SCP2: variants seen among roughly 807,000 people sequenced by gnomAD.
SCP2 encodes the protein SCP-2/3-oxoacyl-CoA thiolase.
A neutral mutation model predicts 71.4 loss-of-function variants in SCP2; 48 were observed. That is an observed-to-expected ratio of 0.67 (90% CI 0.53 to 0.86). The LOEUF (loss-of-function observed/expected upper bound fraction) is 0.86, where lower values mean the gene tolerates loss of function less well. Among genes scored for constraint, SCP2 ranks in the 40% least tolerant of loss-of-function variants. The pLI, the probability that SCP2 is intolerant of heterozygous loss-of-function variation, is 0.00. For synonymous variants in SCP2, 220 were observed against 218.1 expected, an observed-to-expected ratio of 1.01 and a Z score of -0.08; for missense variants, 560 against 655.6, an observed-to-expected ratio of 0.85 and a Z score of 1.59.
At chr1:52,970,593 G>A (rs1657379780) in intron 6 of SCP2, among the ~76,000 whole-genome samples, 1 of 150,850 alleles carries the variant, frequency 6.6e-6, no homozygotes, top group Non-Finnish European at 1.5e-5. Context: ...CAGATCTCCT[G>A]TGTTTTTCAG....
rs533584468 is a variant in SCP2, at chr1:52,966,347, A to G, written c.523+4718A>G. Among the ~76,000 whole-genome samples the G allele has an allele frequency of 8.6e-5, 13 of 151,826 alleles. No homozygotes were observed. In the South Asian group the frequency reaches 2.5e-3, roughly 29 times the overall value. On this transcript the variant is annotated intron_variant, in intron 6 of 15. Coordinates refer to ENST00000371514, the MANE Select transcript of SCP2 (RefSeq NM_002979.5). ...GAATTTTGTAGCTTTTCCAGTATCTATGGAGATAATTGCATTATGTTCCCC... is the reference window on the plus strand; with the variant it reads ...GAATTTTGTAGCTTTTCCAGTATCTGTGGAGATAATTGCATTATGTTCCCC...
In SCP2 at chr1:53,038,079, G is replaced by A. The variant is rs192508075; in HGVS notation, c.1339-838G>A. On this transcript the variant is annotated intron_variant, in intron 13 of 15. Coordinates refer to ENST00000371514, the MANE Select transcript of SCP2 (RefSeq NM_002979.5). ...AAGGATTGCTTGAGCACTGGAGATC[G>A]ACCCTGCAGTGAGCCCTGATTGTGC... Among the ~76,000 whole-genome samples the A allele has an allele frequency of 1.1e-3, 170 of 151,488 alleles. 1 individual carries two copies. Among genetic ancestry groups the A allele is most frequent in the African/African-American group, 3.7e-3 (153 of 41,228 alleles).
intron 12 of SCP2, among the ~76,000 whole-genome samples, chr1:53,019,963 T>C (rs1003255785): frequency 6.6e-6 from 1 of 152,190 alleles, no homozygotes; most frequent in African/African-American, 2.4e-5. Context: ...CTCAGCTCAC[T>C]GCAACTTCCA....
chr1:53,045,241 A>G (rs1663714060), intron 14 of SCP2, among the ~76,000 whole-genome samples: 1 of 152,222 alleles, frequency 6.6e-6, no homozygotes. Flanking sequence ...CCCAAAAGGA[A>G]CCATTATTTC....
chr1:53,036,222 A>T (rs1376726971), intron 13 of SCP2, among the ~76,000 whole-genome samples: 1 of 150,186 alleles, frequency 6.7e-6, no homozygotes, highest in Non-Finnish European at 1.5e-5. Flanking sequence ...AGTAGATTAT[A>T]AAACAATATG....
intron 10 of SCP2, among the ~76,000 whole-genome samples, chr1:52,982,377 T>C (rs1039271218): frequency 2.6e-5 from 4 of 152,180 alleles, no homozygotes; most frequent in Non-Finnish European, 5.9e-5. Flanking sequence ...GAGACCATCC[T>C]GGCTAACACG....
At chr1:52,980,016 C>T (rs1295336044) in intron 9 of SCP2, among the ~76,000 whole-genome samples, 1 of 151,368 alleles carries the variant, frequency 6.6e-6, no homozygotes, top group Non-Finnish European at 1.5e-5. Flanking sequence ...CTCTTTCATC[C>T]AGGCTGGAAT....
intron 12 of SCP2, among the ~76,000 whole-genome samples, chr1:53,015,954 CT>C (rs953128208): frequency 6.6e-5 from 10 of 152,148 alleles, no homozygotes; most frequent in African/African-American, 2.2e-4. Context: ...AATTGGCTCC[CT>C]TTTTTCTTTT....
At chr1:53,033,788 C>T (rs941658638) in intron 13 of SCP2, among the ~76,000 whole-genome samples, 15 of 152,052 alleles carry the variant, frequency 9.9e-5, no homozygotes, top group Admixed American at 2.6e-4. Flanking sequence ...TATGACCCAG[C>T]AATTACACTT....
chr1:52,953,743 C>T (rs1444760682), intron 4 of SCP2, among the ~76,000 whole-genome samples: 7 of 151,000 alleles, frequency 4.6e-5, no homozygotes, highest in Non-Finnish European at 8.8e-5. Flanking sequence ...AATCCCAGCA[C>T]TTTGGGAAGC....
chr1:52,934,580 C>T (rs1478859048), intron 1 of SCP2, among the ~76,000 whole-genome samples: 8 of 115,160 alleles, frequency 6.9e-5, no homozygotes, highest in African/African-American at 2.5e-4. Context: ...TCAAATTCTA[C>T]ATTCCAGCTA....
intron 11 of SCP2, among the ~76,000 whole-genome samples, chr1:53,002,476 A>G (rs983497598): frequency 4.6e-5 from 7 of 152,340 alleles, no homozygotes; most frequent in African/African-American, 1.4e-4. Context: ...TGGCTTCTCA[A>G]AAATGGAATA....
chr1:52,937,087 G>T (rs1557542806), intron 1 of SCP2, among the ~76,000 whole-genome samples: 1 of 151,854 alleles, frequency 6.6e-6, no homozygotes, highest in Non-Finnish European at 1.5e-5. Flanking sequence ...TGTAAGAAGG[G>T]TAAGAGATAT....
At chr1:52,964,762 C>T (rs887418824) in intron 6 of SCP2, among the ~76,000 whole-genome samples, 1 of 152,088 alleles carries the variant, frequency 6.6e-6, no homozygotes, top group East Asian at 1.9e-4. Flanking sequence ...CGCCTGTAAT[C>T]CCAGCACTTT....
chr1:52,996,310 C>A (rs1293487802), intron 11 of SCP2, among the ~76,000 whole-genome samples: 1 of 152,124 alleles, frequency 6.6e-6, no homozygotes, highest in Non-Finnish European at 1.5e-5. Context: ...TTTTTAAAAT[C>A]TCCAAGAAGC....
chr1:52,999,912 G>A (rs775646184), intron 11 of SCP2, among the ~76,000 whole-genome samples: 1 of 148,732 alleles, frequency 6.7e-6, no homozygotes, highest in Non-Finnish European at 1.5e-5. Flanking sequence ...TGCCTCCCAG[G>A]TTCAAGTGAT....
At chr1:52,984,173 A>G (rs998063376) in intron 10 of SCP2, among the ~76,000 whole-genome samples, 7 of 152,116 alleles carry the variant, frequency 4.6e-5, no homozygotes, top group Admixed American at 4.6e-4. Flanking sequence ...TTTGGTTAGG[A>G]AGATGGGGTT....
intron 5 of SCP2, among the ~76,000 whole-genome samples, chr1:52,959,610 C>T (rs901667605): frequency 1.3e-5 from 2 of 151,586 alleles, no homozygotes; most frequent in Admixed American, 6.6e-5. Context: ...AAATATATTA[C>T]TATTGAGGTT....
At position 52,987,048 on chromosome 1, in the gene SCP2, G is replaced by C. The variant is rs867033765; in HGVS notation, c.974-981G>C. ...TTTGAGACAGAGTTTTGCTCTTGTC[G>C]CCCAGGGGTGCACCACCATGCCTGG... On this transcript the variant is annotated intron_variant, in intron 10 of 15. Coordinates refer to ENST00000371514, the MANE Select transcript of SCP2 (RefSeq NM_002979.5). 3.8e-3 allele frequency among the ~76,000 whole-genome samples: 481 copies of C among 127,824 alleles called. 3 individuals are homozygous for C. The highest frequency in any genetic ancestry group is 0.013 in the African/African-American group (454 of 34,264). 83.9% of individuals were successfully genotyped at this position (127,824 alleles called of 152,430 possible).
Sources: gnomAD v4.1 joint callset for allele counts (sites outside exome capture counted in the v4.1 genomes callset) on GRCh38, gnomAD v4.1.1 for gene constraint, MANE v1.5 for transcripts, NCBI Gene and HGNC (gene_info 2026-07-23, HGNC 2026-07-21) for gene names.